Variants in KLHL7 observed in about 807,000 individuals in gnomAD.
KLHL7 encodes the protein kelch like family member 7.
KLHL7 carries 44 observed loss-of-function variants against 67.4 expected under a neutral mutation model. That is an observed-to-expected ratio of 0.65 (90% confidence interval 0.51 to 0.84). KLHL7 has a LOEUF of 0.84. Ranked by LOEUF, KLHL7 falls within the 40% of genes least tolerant of loss-of-function variation. The probability of loss-of-function intolerance (pLI) is 0.00; values close to 1 mark genes in which losing one functional copy is unlikely to be tolerated. For missense variants in KLHL7, 362 were observed against 718.1 expected (o/e 0.50, Z 5.67); for synonymous variants, 252 against 243.3 (o/e 1.04, Z -0.33).
At chr7:23,157,832 A>C (rs1386564555) in intron 7 of KLHL7, among the ~76,000 whole-genome samples, 1 of 152,206 alleles carries the variant, frequency 6.6e-6, no homozygotes, top group Admixed American at 6.5e-5. Context: ...CCATAGCCAC[A>C]GCTGGCCTTA....
chr7:23,124,826 C>T (rs896117730), intron 3 of KLHL7, 45 bp downstream of exon 3: 2 of 1,304,368 alleles, frequency 1.5e-6, no homozygotes, highest in Non-Finnish European at 2.2e-6. Flanking sequence ...ATGTTGGTAT[C>T]TACCATGGCA....
rs779306854 is a variant in KLHL7, at chr7:23,172,934, TTTAA to T, written c.1380-11_1380-8del. On this transcript the variant is annotated splice_polypyrimidine_tract_variant and intron_variant, in intron 9 of 10. Transcript: ENST00000339077. ...TCCTGTAAACAAGCACACTAAAAAC[TTTAA>T]TTTTTTCAGATGGACTGAGCTGTGT... 10 of 1,606,376 alleles carry T rather than the reference TTTAA, an allele frequency of 6.2e-6. No individual in the cohort carries two copies. The East Asian group carries it at 1.6e-4, about 25-fold the overall frequency.
At chr7:23,123,713 A>T in intron 1 of KLHL7, 64 bp from the exon 2 acceptor site, 1 of 1,054,986 alleles carries the variant, frequency 9.5e-7, no homozygotes, top group Non-Finnish European at 1.5e-6. Context: ...GCACCTTTTT[A>T]ACATGTATTG....
Position 23,175,749 on chromosome 7 carries a change from T to G in KLHL7, c.*1451T>G, listed in dbSNP as rs1209394421. The G allele has an allele frequency of 5.4e-6, 1 of 185,824 alleles. No homozygotes were observed. Among genetic ancestry groups the G allele is most frequent in the African/African-American group, 2.4e-5 (1 of 41,470 alleles). 11.5% of individuals were successfully genotyped at this position (185,824 alleles called of 1,614,324 possible). A position where few individuals can be genotyped will look rare whatever the true frequency, so the allele number is the denominator to read the frequency against. On this transcript the variant is annotated 3_prime_UTR_variant, in exon 11 of 11. Coordinates refer to ENST00000339077, the MANE Select transcript of KLHL7 (RefSeq NM_001031710.3). ...GCCAAGGTGGGTAGATCATTTGAGGTCAGCAGTTCAAGACCACCCTGGCCA... is the reference window on the plus strand; with the variant it reads ...GCCAAGGTGGGTAGATCATTTGAGGGCAGCAGTTCAAGACCACCCTGGCCA...
chr7:23,106,490 G>C lies in KLHL7; in HGVS notation c.120+344G>C. ...CCTTCCATTGGCGAGCCGTTTTAAG[G>C]TGCCGTGAGATCTTGTGTGAAGAAA... On this transcript the variant is annotated intron_variant, in intron 1 of 10. Transcript: ENST00000339077. The C allele has an allele frequency of 2.5e-6, 3 of 1,181,508 alleles. No homozygotes were observed. The South Asian group carries it at 5.2e-5, about 20-fold the overall frequency. The allele number at this position is 1,181,508 out of a possible 1,614,324, so 73.2% of individuals were successfully genotyped here. A position where few individuals can be genotyped will look rare whatever the true frequency, so the allele number is the denominator to read the frequency against.
In KLHL7 at chr7:23,140,920, TCTGA is replaced by T. The variant is rs1784160131; in HGVS notation, c.598_601del (p.Thr200Ter). 1 of 1,614,020 alleles carries T rather than the reference TCTGA, an allele frequency of 6.2e-7. No individual in the cohort carries two copies. Among genetic ancestry groups the T allele is most frequent in the Non-Finnish European group, 8.5e-7 (1 of 1,179,962 alleles). ...TAACACATCTTCTCAACCAGGACAC[TCTGA>T]CTGTGAGAGCAGAGGATCAGGTGAC... is the stretch of plus-strand genomic sequence containing the variant. On this transcript the variant is annotated frameshift_variant, in exon 5 of 11. Transcript: ENST00000339077. LOFTEE classifies it high-confidence loss of function.
Position 23,167,911 on chromosome 7 carries a change from C to T in KLHL7, c.1253C>T (p.Thr418Ile). The T allele has an allele frequency of 6.2e-7, 1 of 1,614,206 alleles. No homozygotes were observed. The highest frequency in any genetic ancestry group is 8.5e-7 in the Non-Finnish European group (1 of 1,180,034). Residue 418 changes from threonine to isoleucine, a missense_variant, in exon 9 of 11, where the codon ACC becomes ATC. Coordinates refer to ENST00000339077, the MANE Select transcript of KLHL7 (RefSeq NM_001031710.3). ...TGGCACACAAAGCCCAGCATGCTGACCCAGCGCTGCAGCCATGGGATGGTG... is the reference window on the plus strand; with the variant it reads ...TGGCACACAAAGCCCAGCATGCTGATCCAGCGCTGCAGCCATGGGATGGTG... Reference protein sequence around the residue: ...ESWHTKPSMLTQRCSHGMVEA... With the variant: ...ESWHTKPSMLIQRCSHGMVEA...
chr7:23,119,955 G>C (rs139329969), intron 1 of KLHL7, among the ~76,000 whole-genome samples: 1 of 152,166 alleles, frequency 6.6e-6, no homozygotes, highest in Non-Finnish European at 1.5e-5. Context: ...CCAGAGCAAG[G>C]TTGAATAACA....
intron 6 of KLHL7, among the ~76,000 whole-genome samples, chr7:23,149,690 G>A (rs1165914705): frequency 6.6e-6 from 1 of 152,174 alleles, no homozygotes; most frequent in African/African-American, 2.4e-5. Context: ...TTTTACAATT[G>A]TAAAGGATTA....
At chr7:23,168,814 C>G (rs1785073925) in intron 9 of KLHL7, among the ~76,000 whole-genome samples, 1 of 152,190 alleles carries the variant, frequency 6.6e-6, no homozygotes. Flanking sequence ...TCGTTCTTCC[C>G]TTACTAGAAC....
chr7:23,128,954 A>C (rs552896795), intron 4 of KLHL7, among the ~76,000 whole-genome samples: 12 of 152,222 alleles, frequency 7.9e-5, no homozygotes, highest in Non-Finnish European at 1.6e-4. Context: ...ATTCCATTGC[A>C]TGGATATACC....
chr7:23,124,868 A>C lies in KLHL7; in HGVS notation c.317+87A>C, dbSNP rs565000227. On this transcript the variant is annotated intron_variant, in intron 3 of 10. Coordinates refer to ENST00000339077, the MANE Select transcript of KLHL7 (RefSeq NM_001031710.3). The stretch of plus-strand genomic sequence containing the variant: ...TGTCGTAACAAATAGTTGCACTACA[A>C]ATTCTTCAAAATGAAAAACCGCAAG... The C allele has an allele frequency of 2.7e-5, 31 of 1,139,824 alleles. No individual in the cohort carries two copies. In the South Asian group the frequency reaches 3.9e-4, roughly 14 times the overall value. 70.6% of individuals were successfully genotyped at this position (1,139,824 alleles called of 1,614,324 possible). A position where few individuals can be genotyped will look rare whatever the true frequency, so the allele number is the denominator to read the frequency against.
chr7:23,164,275 A>G (rs890203306), intron 7 of KLHL7, among the ~76,000 whole-genome samples: 1 of 152,196 alleles, frequency 6.6e-6, no homozygotes, highest in Non-Finnish European at 1.5e-5. Context: ...AAGAGTGACA[A>G]GATTTGAGAT....
chr7:23,158,155 A>G (rs1784762076), intron 7 of KLHL7, among the ~76,000 whole-genome samples: 1 of 152,034 alleles, frequency 6.6e-6, no homozygotes, highest in East Asian at 1.9e-4. Flanking sequence ...TTGTAGCAAC[A>G]GGGGTCTCTC....
chr7:23,136,642 G>A (rs73687821), intron 4 of KLHL7, among the ~76,000 whole-genome samples: 2,622 of 152,254 alleles, frequency 0.017, 91 homozygotes, highest in African/African-American at 0.059. Context: ...GGAGACACAG[G>A]CCACGTCCCC....
intron 4 of KLHL7, among the ~76,000 whole-genome samples, chr7:23,137,699 G>A (rs1056682129): frequency 2.0e-5 from 3 of 150,698 alleles, no homozygotes; most frequent in East Asian, 2.0e-4. Context: ...GGCTGGTCTC[G>A]AACTCCTGAC....
rs553237243 is a variant in KLHL7, at chr7:23,108,720, A to G, written c.120+2574A>G. 9.2e-5 allele frequency among the ~76,000 whole-genome samples: 14 copies of G among 152,334 alleles called. No homozygotes were observed. The East Asian group carries it at 2.7e-3, about 29-fold the overall frequency. On this transcript the variant is annotated intron_variant, in intron 1 of 10. Transcript: ENST00000339077. ...TCTGTCTTTGGTGTGTGGTGCATTC[A>G]TGAAAGTCTGCAGCACATCGGCAAA...
chr7:23,136,592 T>G (rs1329341601), intron 4 of KLHL7, among the ~76,000 whole-genome samples: 3 of 152,228 alleles, frequency 2.0e-5, no homozygotes, highest in Non-Finnish European at 4.4e-5. Context: ...TTACAAGTAC[T>G]GATCATCAGC....
intron 4 of KLHL7, chr7:23,129,050 G>A (rs1018511625): frequency 2.0e-5 from 3 of 152,320 alleles, no homozygotes; most frequent in Admixed American, 2.0e-4. Context: ...GAAAGCACTG[G>A]TTAACTTGAA....
Sources: allele counts gnomAD v4.1 joint callset (sites outside exome capture counted in the v4.1 genomes callset), GRCh38; gene constraint gnomAD v4.1.1; transcripts MANE v1.5; gene names NCBI Gene and HGNC (gene_info 2026-07-23, HGNC 2026-07-21).